The following KCNA6 variants were observed in gnomAD, a reference collection of about 807,000 sequenced individuals.
KCNA6 encodes the protein human brain potassium channel-2.
In KCNA6, 17 loss-of-function variants were observed where a neutral mutation model predicts 29.5. The observed-to-expected ratio is 0.58, with a 90% CI of 0.39 to 0.86. KCNA6 has a LOEUF of 0.86. Among genes scored for constraint, KCNA6 ranks in the 40% least tolerant of loss-of-function variants. The pLI, the probability that KCNA6 is intolerant of heterozygous loss-of-function variation, is 0.00. For synonymous variants in KCNA6, 296 were observed against 304.7 expected (o/e 0.97, Z 0.30); for missense variants, 450 against 703.4 (o/e 0.64, Z 4.07).
downstream of KCNA6, among the ~76,000 whole-genome samples, chr12:4,815,400 C>T (rs911287852): frequency 6.6e-5 from 10 of 152,182 alleles, no homozygotes; most frequent in Admixed American, 3.3e-4. Context: ...AGAAAAATGT[C>T]TCCCAGAAAT....
At chr12:4,830,244 C>T in the KCNA6 span, among the ~76,000 whole-genome samples, 31 of 152,326 alleles carry the variant, frequency 2.0e-4, no homozygotes, top group South Asian at 1.9e-3. Flanking sequence ...CATCCTCCAC[C>T]GTGGTCTGAG....
At chr12:4,827,063 C>T in the KCNA6 span, among the ~76,000 whole-genome samples, 39 of 147,852 alleles carry the variant, frequency 2.6e-4, no homozygotes, top group Middle Eastern at 3.9e-3. Flanking sequence ...TCCTTCCCTA[C>T]GTCTTTTCCT....
the KCNA6 span, among the ~76,000 whole-genome samples, chr12:4,833,913 C>T: frequency 6.9e-6 from 1 of 145,264 alleles, no homozygotes; most frequent in Non-Finnish European, 1.5e-5. Flanking sequence ...TTCTTCGTCT[C>T]CTTCTTTTTT....
the KCNA6 span, among the ~76,000 whole-genome samples, chr12:4,828,170 GACTA>G: frequency 2.0e-5 from 3 of 151,596 alleles, no homozygotes; most frequent in Non-Finnish European, 4.4e-5. Context: ...TTCTCCCCCA[GACTA>G]ACTTTGTCTA....
chr12:4,840,812 C>A, the KCNA6 span, among the ~76,000 whole-genome samples: 13 of 152,164 alleles, frequency 8.5e-5, no homozygotes, highest in Admixed American at 1.3e-4. Flanking sequence ...AAGCTATTGC[C>A]AGAGACTGAT....
the KCNA6 span, among the ~76,000 whole-genome samples, chr12:4,831,170 T>A: frequency 7.9e-5 from 12 of 152,288 alleles, no homozygotes. Context: ...TGCGGAGGAA[T>A]ATGGGACCGA....
chr12:4,816,622 T>G (rs775314683), downstream of KCNA6, among the ~76,000 whole-genome samples: 19 of 152,166 alleles, frequency 1.2e-4, no homozygotes, highest in Non-Finnish European at 1.8e-4. Flanking sequence ...TTTTATGTAT[T>G]TATCTACTAT....
At chr12:4,820,001 C>T in the KCNA6 span, among the ~76,000 whole-genome samples, 3 of 152,166 alleles carry the variant, frequency 2.0e-5, no homozygotes, top group African/African-American at 7.2e-5. Flanking sequence ...TTAGAGACAC[C>T]AAACACCCAT....
At chr12:4,816,782 C>T (rs145964045), downstream of KCNA6, among the ~76,000 whole-genome samples, 10 of 152,242 alleles carry the variant, frequency 6.6e-5, no homozygotes, top group Admixed American at 2.6e-4. Flanking sequence ...TTGGTGCTTC[C>T]GGTAAACAAA....
Position 4,810,178 on chromosome 12 carries a change from A to C in KCNA6, c.137A>C (p.Asn46Thr). 6.2e-7 allele frequency: 1 copy of C among 1,612,248 alleles called. No individual in the cohort carries two copies. The highest frequency in any genetic ancestry group is 8.5e-7 in the Non-Finnish European group (1 of 1,179,486). ...TGTAGTAGCGAGCGGCTGGTGATCA[A>C]TATCTCCGGGCTGCGCTTTGAGACA... The change falls in exon 1 of 1, where the codon AAT (asparagine) becomes ACT (threonine). Residue 46 changes from asparagine (N) to threonine (T), a missense_variant. Coordinates refer to ENST00000280684, the Ensembl canonical transcript of KCNA6. This position sits in a 1 kb window ranked among gnomAD's most constrained non-coding sequence, Gnocchi z 7.5.
rs11063345 is a variant in KCNA6 at position 4,811,981 on chromosome 12, A to C, written c.*350A>C. 12,335 of 248,062 alleles carry C rather than the reference A, an allele frequency of 0.05. 424 individuals are homozygous for C. The highest frequency in any genetic ancestry group is 0.072 in the Non-Finnish European group (8,587 of 119,692). 15.4% of individuals were successfully genotyped at this position (248,062 alleles called of 1,614,324 possible). A position where few individuals can be genotyped will look rare whatever the true frequency, so the allele number is the denominator to read the frequency against. ...CTCAAGGAACAGCAATGTCAACAGG[A>C]TGGAAACCAGCCCTATCTGAGTCTT... On this transcript the variant is annotated 3_prime_UTR_variant, in exon 1 of 1. Transcript: ENST00000280684. This position sits in a 1 kb window ranked among gnomAD's most constrained non-coding sequence, Gnocchi z 7.1.
the KCNA6 span, among the ~76,000 whole-genome samples, chr12:4,833,362 G>A: frequency 1.3e-5 from 2 of 152,112 alleles, no homozygotes. Context: ...TTGTGTGGCT[G>A]TTGGCCAGGG....
the KCNA6 span, among the ~76,000 whole-genome samples, chr12:4,823,068 G>A: frequency 2.0e-5 from 3 of 152,280 alleles, no homozygotes; most frequent in South Asian, 2.1e-4. Context: ...GTTCAGTCAG[G>A]TTGGGATTAA....
At chr12:4,816,222 T>A (rs981062005), downstream of KCNA6, among the ~76,000 whole-genome samples, 40 of 151,202 alleles carry the variant, frequency 2.6e-4, no homozygotes, top group Admixed American at 2.2e-3. Flanking sequence ...AGTCGATCGT[T>A]GCTATTCATG....
the KCNA6 span, among the ~76,000 whole-genome samples, chr12:4,830,263 C>G: frequency 1.3e-5 from 2 of 152,236 alleles, no homozygotes; most frequent in African/African-American, 4.8e-5. Context: ...AGGACAGAGA[C>G]GTGCTGCCCC....
chr12:4,823,476 G>A, the KCNA6 span, among the ~76,000 whole-genome samples: 4 of 151,822 alleles, frequency 2.6e-5, no homozygotes, highest in Admixed American at 6.6e-5. Context: ...GTTCAAAAAC[G>A]GGAATTCCGG....
the KCNA6 span, among the ~76,000 whole-genome samples, chr12:4,843,551 C>G: frequency 6.6e-6 from 1 of 152,048 alleles, no homozygotes; most frequent in African/African-American, 2.4e-5. Context: ...TTACGTTAGG[C>G]CATTCTCACG....
the KCNA6 span, among the ~76,000 whole-genome samples, chr12:4,822,078 G>T: frequency 6.6e-6 from 1 of 152,094 alleles, no homozygotes; most frequent in African/African-American, 2.4e-5. Flanking sequence ...CAAGTGATCC[G>T]CCCACCTTGG....
At chr12:4,821,437 TG>T in the KCNA6 span, among the ~76,000 whole-genome samples, 8 of 110,572 alleles carry the variant, frequency 7.2e-5, no homozygotes, top group African/African-American at 2.1e-4. Context: ...TGTGTGTGTG[TG>T]TGTGTGTGTG....
Sources: allele counts gnomAD v4.1 joint callset (sites outside exome capture counted in the v4.1 genomes callset), GRCh38; gene constraint gnomAD v4.1.1; non-coding constraint Gnocchi (gnomAD v3.1); transcripts MANE v1.5; gene names NCBI Gene and HGNC (gene_info 2026-07-23, HGNC 2026-07-21).